The following CENPP variants were observed in gnomAD, a reference collection of about 807,000 sequenced individuals.
CENPP encodes the protein centromere protein P.
In CENPP, 24 loss-of-function variants were observed where a neutral mutation model predicts 35.6. That is an observed-to-expected ratio of 0.67 (90% CI 0.49 to 0.95). The LOEUF is 0.95. CENPP is among the 40% of genes least tolerant of loss of function. The pLI is 0.00. For synonymous variants in CENPP, 120 were observed against 125.5 expected (o/e 0.96, Z 0.29); for missense variants, 332 against 345.3 (o/e 0.96, Z 0.31).
At chr9:92,479,300 A>G (rs533116047) in intron 5 of CENPP, among the ~76,000 whole-genome samples, 19 of 152,358 alleles carry the variant, frequency 1.2e-4, no homozygotes, top group Middle Eastern at 3.4e-3. Context: ...GATAAGTTAC[A>G]GGAGACCCTC....
At chr9:92,600,528 CCACCCCACTGGGGCTGGGG>C (rs748964512) in intron 5 of CENPP, 1 of 1,612,766 alleles carries the variant, frequency 6.2e-7, no homozygotes, top group Non-Finnish European at 8.5e-7. Flanking sequence ...GAGGGCTGGG[CCACCCCACTGGGGCTGGGG>C]CACATGGAGA....
intron 5 of CENPP, among the ~76,000 whole-genome samples, chr9:92,547,887 G>A (rs1408389433): frequency 2.0e-5 from 3 of 152,118 alleles, no homozygotes; most frequent in Non-Finnish European, 4.4e-5. Flanking sequence ...AAACAGTGAT[G>A]CCCACTGAAG....
At chr9:92,344,697 G>A (rs1841230786) in intron 3 of CENPP, among the ~76,000 whole-genome samples, 1 of 151,794 alleles carries the variant, frequency 6.6e-6, no homozygotes, top group Non-Finnish European at 1.5e-5. Context: ...ACAGGCGCCT[G>A]CCACGACGCC....
intron 5 of CENPP, chr9:92,502,452 G>GT (rs1409184564): frequency 4.4e-6 from 7 of 1,574,908 alleles, no homozygotes; most frequent in Non-Finnish European, 6.1e-6. Context: ...TCCATACTCT[G>GT]TTTAATAATA....
intron 5 of CENPP, among the ~76,000 whole-genome samples, chr9:92,501,479 T>C (rs1279321855): frequency 6.6e-6 from 1 of 152,240 alleles, no homozygotes; most frequent in African/African-American, 2.4e-5. Flanking sequence ...TGGCTTGTTT[T>C]GGTTCCCCTT....
In CENPP at chr9:92,613,566, C is replaced by T. The variant is rs373554873; in HGVS notation, c.*417C>T. ...GGGCTCTGGAGACGGATGCCTATGGCGCCTCATCTTTAAACTGTCCTTAGT... is the reference window on the plus strand; with the variant it reads ...GGGCTCTGGAGACGGATGCCTATGGTGCCTCATCTTTAAACTGTCCTTAGT... On this transcript the variant is annotated 3_prime_UTR_variant, in exon 8 of 8. Coordinates refer to ENST00000375587, the MANE Select transcript of CENPP (RefSeq NM_001012267.3). 1.0e-5 allele frequency: 2 copies of T among 200,410 alleles called. No homozygotes were observed. Among genetic ancestry groups the T allele is most frequent in the Non-Finnish European group, 2.1e-5 (2 of 96,496 alleles). 12.4% of individuals were successfully genotyped at this position (200,410 alleles called of 1,614,324 possible).
At chr9:92,490,489 C>G (rs1846150339) in intron 5 of CENPP, among the ~76,000 whole-genome samples, 1 of 152,184 alleles carries the variant, frequency 6.6e-6, no homozygotes, top group South Asian at 2.1e-4. Context: ...AGTCATCTGT[C>G]AGTCTGTAAA....
intron 5 of CENPP, among the ~76,000 whole-genome samples, chr9:92,431,713 T>C (rs1003385880): frequency 6.6e-6 from 1 of 152,114 alleles, no homozygotes; most frequent in Admixed American, 6.6e-5. Flanking sequence ...TAGCTGGGAT[T>C]ACAGGCGCCT....
intron 5 of CENPP, among the ~76,000 whole-genome samples, chr9:92,497,406 C>T (rs1177529389): frequency 6.6e-6 from 1 of 152,078 alleles, no homozygotes; most frequent in Non-Finnish European, 1.5e-5. Context: ...GGGTGGATCA[C>T]CTGAGGTCAG....
chr9:92,516,293 G>C (rs1479757167), intron 5 of CENPP, among the ~76,000 whole-genome samples: 1 of 152,124 alleles, frequency 6.6e-6, no homozygotes, highest in African/African-American at 2.4e-5. Context: ...TCGAACACCT[G>C]ACCTTGTGAT....
intron 3 of CENPP, among the ~76,000 whole-genome samples, chr9:92,338,694 TATTA>T (rs1227206014): frequency 1.3e-5 from 2 of 152,102 alleles, no homozygotes; most frequent in Non-Finnish European, 2.9e-5. Context: ...TGACTATATT[TATTA>T]ATTATCTCAC....
chr9:92,366,399 C>T (rs758435411), intron 4 of CENPP, among the ~76,000 whole-genome samples: 6 of 152,068 alleles, frequency 3.9e-5, no homozygotes, highest in African/African-American at 1.4e-4. Flanking sequence ...ACCAGATATA[C>T]AAAACACTGT....
At chr9:92,361,465 T>G (rs1410989831) in intron 4 of CENPP, among the ~76,000 whole-genome samples, 1 of 139,234 alleles carries the variant, frequency 7.2e-6, no homozygotes, top group African/African-American at 2.7e-5. Flanking sequence ...TTTATTTTAT[T>G]TTATTTTATT....
At chr9:92,575,199 G>A (rs1164346823) in intron 5 of CENPP, among the ~76,000 whole-genome samples, 1 of 152,208 alleles carries the variant, frequency 6.6e-6, no homozygotes, top group Non-Finnish European at 1.5e-5. Flanking sequence ...AAGGAGAAGA[G>A]ACAGATTGGA....
chr9:92,373,072 T>C (rs1842045902), intron 4 of CENPP, among the ~76,000 whole-genome samples: 2 of 152,254 alleles, frequency 1.3e-5, no homozygotes, highest in Admixed American at 6.5e-5. Flanking sequence ...TTGAGTATAC[T>C]GCTAATTTGT....
At chr9:92,334,107 G>A (rs887697521) in intron 2 of CENPP, among the ~76,000 whole-genome samples, 4 of 147,892 alleles carry the variant, frequency 2.7e-5, no homozygotes, top group Admixed American at 6.7e-5. Flanking sequence ...TTACTGCAAA[G>A]TAATGAGAGT....
Position 92,325,991 on chromosome 9 carries a change from A to G in CENPP, c.-8A>G. ...CGCTGCCGGCCCGGCTGCGGTCAGC[A>G]ACGCGCCATGGACGCAGAGCTGGCA... On this transcript the variant is annotated 5_prime_UTR_variant, in exon 1 of 8. Coordinates refer to ENST00000375587, the MANE Select transcript of CENPP (RefSeq NM_001012267.3). The G allele has an allele frequency of 6.5e-7, 1 of 1,548,886 alleles. No homozygotes were observed. The highest frequency in any genetic ancestry group is 8.7e-7 in the Non-Finnish European group (1 of 1,145,856).
At chr9:92,332,378 T>C (rs775705827) in intron 2 of CENPP, 27 bp downstream of exon 2, 2 of 1,482,266 alleles carry the variant, frequency 1.3e-6, no homozygotes, top group Non-Finnish European at 1.8e-6. Context: ...AATCTAGACA[T>C]AGTATGGAAG....
intron 5 of CENPP, chr9:92,517,344 G>T: frequency 6.9e-6 from 3 of 435,098 alleles, no homozygotes; most frequent in Non-Finnish European, 1.2e-5. Flanking sequence ...GTGGGATAAT[G>T]CACATATAGA....
Sources: gnomAD v4.1 joint callset for allele counts (sites outside exome capture counted in the v4.1 genomes callset) on GRCh38, gnomAD v4.1.1 for gene constraint, MANE v1.5 for transcripts, NCBI Gene and HGNC (gene_info 2026-07-23, HGNC 2026-07-21) for gene names.